The following CNTN1 variants were observed in gnomAD, a reference collection of about 807,000 sequenced individuals.
The protein encoded by CNTN1 is contactin-1.
In CNTN1, 38 loss-of-function variants were observed where a neutral mutation model predicts 126.4. That is an observed-to-expected ratio of 0.30 (90% CI 0.23 to 0.39). CNTN1 has a LOEUF of 0.39. Ranked by LOEUF, CNTN1 falls within the 10% of genes least tolerant of loss-of-function variation. The probability of loss-of-function intolerance (pLI) is 1.00; values close to 1 mark genes in which losing one functional copy is unlikely to be tolerated. For synonymous variants in CNTN1, 413 were observed against 422.6 expected (o/e 0.98, Z 0.28); for missense variants, 1,009 against 1,248.4 (o/e 0.81, Z 2.89).
intron 1 of CNTN1, among the ~76,000 whole-genome samples, chr12:40,791,319 G>A (rs979682553): frequency 2.6e-5 from 4 of 152,054 alleles, no homozygotes; most frequent in African/African-American, 4.8e-5. Flanking sequence ...ATACGTATAC[G>A]TAGAGTAATT....
At chr12:40,848,459 G>C (rs1276531154) in intron 1 of CNTN1, among the ~76,000 whole-genome samples, 2 of 152,096 alleles carry the variant, frequency 1.3e-5, no homozygotes, top group Non-Finnish European at 2.9e-5. Flanking sequence ...GGAAGTATTA[G>C]TGTTTATATA....
At chr12:41,003,579 CTT>C (rs34754093) in intron 17 of CNTN1, among the ~76,000 whole-genome samples, 13 of 141,688 alleles carry the variant, frequency 9.2e-5, no homozygotes, top group African/African-American at 1.5e-4. Context: ...TGGTCCTGGG[CTT>C]TTTTTTTTTT....
intron 23 of CNTN1, among the ~76,000 whole-genome samples, chr12:41,055,932 A>G (rs1949792476): frequency 1.3e-5 from 2 of 152,214 alleles, no homozygotes; most frequent in African/African-American, 4.8e-5. Flanking sequence ...TCTTCTTTTG[A>G]GTTTGCACAA....
chr12:40,835,757 C>T (rs751068789), intron 1 of CNTN1, among the ~76,000 whole-genome samples: 1 of 151,416 alleles, frequency 6.6e-6, no homozygotes, highest in Admixed American at 6.6e-5. Context: ...CTTCTGAGCC[C>T]AGGCTAGTAG....
chr12:40,730,476 G>A (rs1332660919), intron 1 of CNTN1, among the ~76,000 whole-genome samples: 2 of 152,114 alleles, frequency 1.3e-5, no homozygotes, highest in Non-Finnish European at 2.9e-5. Flanking sequence ...ACTATAGCAG[G>A]GATGTAACTG....
rs566953911 is a variant in CNTN1 at position 40,731,612 on chromosome 12, A to C, written c.-77+39020A>C. The stretch of plus-strand genomic sequence containing the variant: ...AAAGATATACATAAAGATTGATGTG[A>C]CCAAGTATGCAATATACCATAGTTT... On this transcript the variant is annotated intron_variant, in intron 1 of 23. Coordinates refer to ENST00000551295, the MANE Select transcript of CNTN1 (RefSeq NM_001843.4). Among the ~76,000 whole-genome samples, 41 of 152,148 alleles carry C rather than the reference A, an allele frequency of 2.7e-4. 1 individual carries two copies. In the South Asian group the frequency reaches 8.5e-3, roughly 32 times the overall value.
intron 6 of CNTN1, 47 bp downstream of exon 6, chr12:40,924,699 G>A: frequency 1.0e-6 from 1 of 1,002,020 alleles, no homozygotes; most frequent in Non-Finnish European, 1.6e-6. Context: ...AAACAAAATG[G>A]ACAAGTTTCC....
In CNTN1 at chr12:40,833,532, A is replaced by G. The variant is rs557226950; in HGVS notation, c.-76-74825A>G. Among the ~76,000 whole-genome samples the G allele has an allele frequency of 4.7e-4, 71 of 151,936 alleles. 1 individual carries two copies. The South Asian group carries it at 4.8e-3, about 10-fold the overall frequency. ...AAACTAACATAAATAGAAATATTAT[A>G]TTCCCAGGACATGAAATAAATTAGC... is the stretch of plus-strand genomic sequence containing the variant. On this transcript the variant is annotated intron_variant, in intron 1 of 23. Coordinates refer to ENST00000551295, the MANE Select transcript of CNTN1 (RefSeq NM_001843.4).
chr12:40,708,861 C>A lies in CNTN1; in HGVS notation c.-77+16269C>A, dbSNP rs529402992. Among the ~76,000 whole-genome samples, 78 of 152,248 alleles carry A rather than the reference C, an allele frequency of 5.1e-4. 2 individuals are homozygous for A. In the South Asian group the frequency reaches 0.016, roughly 30 times the overall value. On this transcript the variant is annotated intron_variant, in intron 1 of 23. Coordinates refer to ENST00000551295, the MANE Select transcript of CNTN1 (RefSeq NM_001843.4). ...GCAATTCAGTCAAATATTCGAGCTC[C>A]ACTTCTAATTCTATTTTTCTTGCTA...
chr12:40,704,538 C>T (rs762870132), intron 1 of CNTN1, among the ~76,000 whole-genome samples: 2 of 152,012 alleles, frequency 1.3e-5, no homozygotes, highest in Non-Finnish European at 2.9e-5. Flanking sequence ...TTGGCTAAGA[C>T]ACATATATTT....
At chr12:40,758,733 T>C (rs1295050166) in intron 1 of CNTN1, among the ~76,000 whole-genome samples, 1 of 152,086 alleles carries the variant, frequency 6.6e-6, no homozygotes, top group African/African-American at 2.4e-5. Context: ...CCGCACCCAC[T>C]TATATATAAC....
chr12:40,932,387 T>C (rs1182095517), intron 7 of CNTN1, among the ~76,000 whole-genome samples: 1 of 113,836 alleles, frequency 8.8e-6, no homozygotes, highest in African/African-American at 3.5e-5. Context: ...TCTTCCACCA[T>C]GATTATGAGG....
At chr12:40,917,071 G>GGT (rs1555179764) in intron 3 of CNTN1, among the ~76,000 whole-genome samples, 1 of 123,652 alleles carries the variant, frequency 8.1e-6, no homozygotes, top group East Asian at 3.2e-4. Context: ...CGGGGGGGGG[G>GGT]GCAGAACTAA....
intron 1 of CNTN1, among the ~76,000 whole-genome samples, chr12:40,859,327 C>T (rs1373113319): frequency 6.6e-6 from 1 of 151,884 alleles, no homozygotes. Context: ...TAATAAATAT[C>T]AATATTGGCT....
chr12:40,825,611 A>T (rs1941587898), intron 1 of CNTN1, among the ~76,000 whole-genome samples: 1 of 152,118 alleles, frequency 6.6e-6, no homozygotes, highest in South Asian at 2.1e-4. Context: ...GCATAGCCAG[A>T]CTTCTGAAAA....
intron 1 of CNTN1, among the ~76,000 whole-genome samples, chr12:40,794,112 A>C (rs1274265253): frequency 6.6e-6 from 1 of 152,040 alleles, no homozygotes; most frequent in African/African-American, 2.4e-5. Context: ...TAATAACCCT[A>C]TCATTGTACA....
At chr12:40,856,844 GAAAC>G (rs543310022) in intron 1 of CNTN1, among the ~76,000 whole-genome samples, 3 of 151,980 alleles carry the variant, frequency 2.0e-5, no homozygotes, top group Non-Finnish European at 4.4e-5. Flanking sequence ...ATAGTTCCGA[GAAAC>G]AACCCCTGCA....
Position 41,070,067 on chromosome 12 carries a change from G to C in CNTN1, c.*32G>C. ...TGTGACAGCTGCTGTTCCCATCCCA[G>C]CTCAGAAGACACCCTTCAACCCTGG... On this transcript the variant is annotated 3_prime_UTR_variant, in exon 24 of 24. Transcript: ENST00000551295. 6.3e-7 allele frequency: 1 copy of C among 1,592,988 alleles called. No homozygotes were observed. The highest frequency in any genetic ancestry group is 1.1e-5 in the South Asian group (1 of 90,674).
chr12:40,785,097 C>G (rs1327880860), intron 1 of CNTN1, among the ~76,000 whole-genome samples: 1 of 152,052 alleles, frequency 6.6e-6, no homozygotes, highest in Non-Finnish European at 1.5e-5. Flanking sequence ...GAGATCTAGA[C>G]TTACAAAGAT....
Sources: gnomAD v4.1 joint callset for allele counts (sites outside exome capture counted in the v4.1 genomes callset) on GRCh38, gnomAD v4.1.1 for gene constraint, MANE v1.5 for transcripts, NCBI Gene and HGNC (gene_info 2026-07-23, HGNC 2026-07-21) for gene names.